Variants in SEMA5A observed in about 807,000 individuals in gnomAD.
The protein encoded by SEMA5A is semaphorin-5A.
In SEMA5A, 55 loss-of-function variants were observed where a neutral mutation model predicts 135.5. That is an observed-to-expected ratio of 0.41 (90% CI 0.33 to 0.51). The LOEUF is 0.51. Among genes scored for constraint, SEMA5A ranks in the 20% least tolerant of loss-of-function variants. The pLI, the probability that SEMA5A is intolerant of heterozygous loss-of-function variation, is 0.37. For missense variants in SEMA5A, 1,290 were observed against 1,419.9 expected (o/e 0.91, Z 1.47); for synonymous variants, 580 against 546.5 (o/e 1.06, Z -0.85).
chr5:9,154,676 T>G lies in SEMA5A; in HGVS notation c.1293A>C (p.Lys431Asn). 1 of 1,614,010 alleles carries G rather than the reference T, an allele frequency of 6.2e-7. No homozygotes were observed. The highest frequency in any genetic ancestry group is 8.5e-7 in the Non-Finnish European group (1 of 1,180,010). The change falls in exon 12 of 23, where the codon AAA becomes AAC. Residue 431 changes from lysine (K) to asparagine (N), a missense_variant. Around this residue, in one of 3 missense-constraint regions of SEMA5A, gnomAD observed 1,029 missense variants for 1,086.6 expected, o/e 0.95. Transcript: ENST00000382496. ...AGGTCTGATTCAGGGGTACCCGCACTTTCTTAATGGTTCCGTAATCTATGA... is the reference window on the plus strand; with the variant it reads ...AGGTCTGATTCAGGGGTACCCGCACGTTCTTAATGGTTCCGTAATCTATGA... ...YLATDYGTIK[K>N]VRVPLNQTSS...
At chr5:9,087,092 G>T (rs570831448) in intron 16 of SEMA5A, among the ~76,000 whole-genome samples, 11 of 152,298 alleles carry the variant, frequency 7.2e-5, no homozygotes, top group African/African-American at 2.6e-4. Flanking sequence ...CAAGGGAACA[G>T]CCAGATACAG....
At chr5:9,258,864 G>C (rs1007389842) in intron 5 of SEMA5A, among the ~76,000 whole-genome samples, 1 of 125,362 alleles carries the variant, frequency 8.0e-6, no homozygotes, top group Non-Finnish European at 1.6e-5. Context: ...GCCCAGGCTG[G>C]AGTGCAATGT....
intron 6 of SEMA5A, among the ~76,000 whole-genome samples, chr5:9,230,596 T>C (rs1439453606): frequency 1.3e-5 from 2 of 152,106 alleles, no homozygotes; most frequent in Admixed American, 1.3e-4. Context: ...GTCACTGGTG[T>C]TCTTCGCAGA....
At chr5:9,286,658 G>A (rs1750810673) in intron 5 of SEMA5A, among the ~76,000 whole-genome samples, 1 of 152,064 alleles carries the variant, frequency 6.6e-6, no homozygotes. Context: ...TTATTCATAT[G>A]TTTTTATTCA....
At position 9,224,867 on chromosome 5, in the gene SEMA5A, G is replaced by C; in HGVS notation, c.453C>G (p.Ile151Met). 6.2e-7 allele frequency: 1 copy of C among 1,613,272 alleles called. No homozygotes were observed. The change falls in exon 8 of 23, where the codon ATC becomes ATG. Residue 151 changes from isoleucine (I) to methionine (M), a missense_variant. Around this residue, in one of 3 missense-constraint regions of SEMA5A, gnomAD observed 145 missense variants for 212.0 expected, o/e 0.68. Transcript: ENST00000382496. ...GGGCCATGCCACTGATCTGATCATG[G>C]ATCTCAGTCAGGTTGCTCAACTGTG... ...TNRSLSNLTE[I>M]HDQISGMARC...
intron 14 of SEMA5A, among the ~76,000 whole-genome samples, chr5:9,119,676 G>A (rs1040289923): frequency 3.9e-5 from 6 of 152,112 alleles, no homozygotes; most frequent in African/African-American, 1.4e-4. Flanking sequence ...GTGTTGTACT[G>A]TTAGAATAAC....
chr5:9,178,971 T>G (rs1744357104), intron 11 of SEMA5A, among the ~76,000 whole-genome samples: 1 of 152,200 alleles, frequency 6.6e-6, no homozygotes. Flanking sequence ...CTCATGAAGC[T>G]TTCACGTAGA....
At chr5:9,161,462 C>G (rs1258514169) in intron 11 of SEMA5A, among the ~76,000 whole-genome samples, 1 of 152,188 alleles carries the variant, frequency 6.6e-6, no homozygotes, top group African/African-American at 2.4e-5. Flanking sequence ...ATATATTTTA[C>G]TTAACCCAAG....
At chr5:9,368,964 A>G (rs1755023918) in intron 3 of SEMA5A, among the ~76,000 whole-genome samples, 1 of 152,324 alleles carries the variant, frequency 6.6e-6, no homozygotes, top group South Asian at 2.1e-4. Context: ...TTTTGAAGAA[A>G]TGTCACATTT....
intron 2 of SEMA5A, among the ~76,000 whole-genome samples, chr5:9,392,966 C>A (rs1007070967): frequency 6.6e-6 from 1 of 152,208 alleles, no homozygotes; most frequent in Non-Finnish European, 1.5e-5. Context: ...TTAGGTGAAA[C>A]TTAGGAATAC....
At chr5:9,314,373 GAA>G (rs34088756) in intron 5 of SEMA5A, among the ~76,000 whole-genome samples, 2 of 120,520 alleles carry the variant, frequency 1.7e-5, no homozygotes. Context: ...CTGAGTTCCA[GAA>G]AAAAAAAAAA....
At chr5:9,367,756 G>A (rs780494285) in intron 3 of SEMA5A, among the ~76,000 whole-genome samples, 16 of 152,234 alleles carry the variant, frequency 1.1e-4, no homozygotes, top group Non-Finnish European at 1.5e-4. Context: ...GGTCCCCAAT[G>A]TTGAGGGTGG....
intron 10 of SEMA5A, among the ~76,000 whole-genome samples, chr5:9,194,748 G>A (rs751146750): frequency 3.9e-5 from 6 of 152,192 alleles, no homozygotes; most frequent in Non-Finnish European, 7.3e-5. Flanking sequence ...CTTCCTGCCT[G>A]AAACGCATGC....
At chr5:9,524,480 G>A (rs1212665241) in intron 1 of SEMA5A, among the ~76,000 whole-genome samples, 2 of 152,142 alleles carry the variant, frequency 1.3e-5, no homozygotes, top group Non-Finnish European at 2.9e-5. Context: ...GCCAAGAAAT[G>A]CCATGAACTG....
chr5:9,072,873 G>A (rs528795895), intron 16 of SEMA5A, among the ~76,000 whole-genome samples: 10 of 152,240 alleles, frequency 6.6e-5, no homozygotes, highest in South Asian at 2.1e-4. Flanking sequence ...AACATGACCC[G>A]TAATGAAGAG....
chr5:9,100,998 C>G (rs1273866187), intron 16 of SEMA5A, among the ~76,000 whole-genome samples: 1 of 152,178 alleles, frequency 6.6e-6, no homozygotes, highest in African/African-American at 2.4e-5. Flanking sequence ...TTCTCAGATG[C>G]ATCTAGATAT....
At chr5:9,167,530 C>T (rs1462174041) in intron 11 of SEMA5A, among the ~76,000 whole-genome samples, 1 of 152,134 alleles carries the variant, frequency 6.6e-6, no homozygotes, top group African/African-American at 2.4e-5. Flanking sequence ...CAATGTCTCC[C>T]CCTTTCCAGA....
intron 12 of SEMA5A, among the ~76,000 whole-genome samples, chr5:9,148,330 C>G (rs1742451250): frequency 6.6e-6 from 1 of 152,136 alleles, no homozygotes; most frequent in African/African-American, 2.4e-5. Context: ...TGGCCAAATT[C>G]ATACGGCCAC....
chr5:9,054,384 A>G, intron 18 of SEMA5A, 127 bp from the exon 19 acceptor site: 3 of 1,205,894 alleles, frequency 2.5e-6, no homozygotes, highest in Non-Finnish European at 2.3e-6. Context: ...CACTCCAGAA[A>G]GGCTTCAGTG....
Sources: gnomAD v4.1 joint callset for allele counts (sites outside exome capture counted in the v4.1 genomes callset) on GRCh38, gnomAD v4.1.1 for gene constraint, gnomAD v4.1.1 regional missense constraint, MANE v1.5 for transcripts, NCBI Gene and HGNC (gene_info 2026-07-23, HGNC 2026-07-21) for gene names.